ARL13B: variants seen among roughly 807,000 people sequenced by gnomAD.
The protein encoded by ARL13B is ARF like GTPase 13B.
In ARL13B, 36 loss-of-function variants were observed where a neutral mutation model predicts 56.1. The ratio of observed to expected loss-of-function variants is 0.64; its 90% CI spans 0.49 to 0.85. The LOEUF (loss-of-function observed/expected upper bound fraction) is 0.85, where lower values mean the gene tolerates loss of function less well. Ranked by LOEUF, ARL13B falls within the 40% of genes least tolerant of loss-of-function variation. The pLI is 0.00. For synonymous variants in ARL13B, 178 were observed against 171.1 expected (o/e 1.04, Z -0.32); for missense variants, 519 against 507.1 (o/e 1.02, Z -0.23).
At chr3:94,035,977 G>A (rs902781981) in intron 4 of ARL13B, among the ~76,000 whole-genome samples, 3 of 152,064 alleles carry the variant, frequency 2.0e-5, no homozygotes, top group African/African-American at 4.8e-5. Context: ...GGGGGCTGAG[G>A]TGGGAAGACC....
At position 94,036,551 on chromosome 3, in the gene ARL13B, G is replaced by A. The variant is rs2076771064; in HGVS notation, c.487-1G>A. On this transcript the variant is annotated splice_acceptor_variant, in intron 4 of 9. Coordinates refer to ENST00000394222, the MANE Select transcript of ARL13B (RefSeq NM_001174150.2). LOFTEE classifies it high-confidence loss of function. ...TTTAGTCAAATAAATTTCTGTTTTAGGAACCATGTTCAGCAATCTCGGGGT... is the reference window on the plus strand; with the variant it reads ...TTTAGTCAAATAAATTTCTGTTTTAAGAACCATGTTCAGCAATCTCGGGGT... 12 of 1,613,572 alleles carry A rather than the reference G, an allele frequency of 7.4e-6. No homozygotes were observed. The highest frequency in any genetic ancestry group is 9.3e-6 in the Non-Finnish European group (11 of 1,179,926).
At chr3:93,992,232 G>A (rs931442791) in intron 1 of ARL13B, among the ~76,000 whole-genome samples, 4 of 152,062 alleles carry the variant, frequency 2.6e-5, no homozygotes, top group African/African-American at 9.7e-5. Context: ...AACGTGAGGT[G>A]CTCTATATAA....
rs11554412 is a variant in ARL13B, at chr3:94,050,868, C to T, written c.1186C>T (p.Pro396Ser). The T allele has an allele frequency of 6.2e-7, 1 of 1,612,920 alleles. No individual in the cohort carries two copies. Among genetic ancestry groups the T allele is most frequent in the Non-Finnish European group, 8.5e-7 (1 of 1,179,616 alleles). Residue 396 changes from proline to serine, a missense_variant, in exon 9 of 10, where the codon CCT becomes TCT. Coordinates refer to ENST00000394222, the MANE Select transcript of ARL13B (RefSeq NM_001174150.2). The part of the protein sequence containing the change: ...PKVTRLPKLE[P>S]LGETHHNDFY... ...AGTCACTAGACTTCCAAAACTTGAG[C>T]CTCTTGGTGAAACACATCATAATGG...
intron 7 of ARL13B, among the ~76,000 whole-genome samples, chr3:94,045,003 A>G (rs1384446272): frequency 6.6e-6 from 1 of 152,206 alleles, no homozygotes; most frequent in Non-Finnish European, 1.5e-5. Flanking sequence ...TGTCGAAAAG[A>G]AAAGGGGGAA....
chr3:94,007,086 C>G (rs1057232985), intron 3 of ARL13B, among the ~76,000 whole-genome samples: 1 of 152,168 alleles, frequency 6.6e-6, no homozygotes, highest in Non-Finnish European at 1.5e-5. Flanking sequence ...CGCGCCTTAT[C>G]TGAGCCTAAA....
intron 3 of ARL13B, among the ~76,000 whole-genome samples, chr3:94,034,715 C>T (rs2076737167): frequency 6.6e-6 from 1 of 151,886 alleles, no homozygotes; most frequent in South Asian, 2.1e-4. Context: ...TGGATGTGAC[C>T]TGTGGAAATT....
At chr3:93,996,583 G>T in intron 2 of ARL13B, 1 of 422,536 alleles carries the variant, frequency 2.4e-6, no homozygotes. Context: ...TCCCTATGTT[G>T]CCCAAGCTGG....
chr3:94,039,652 G>A (rs1323565011), intron 5 of ARL13B, among the ~76,000 whole-genome samples: 2 of 152,122 alleles, frequency 1.3e-5, no homozygotes, highest in Admixed American at 1.3e-4. Context: ...GTCACTCATA[G>A]GAAATGTCAT....
At chr3:93,984,956 G>T (rs781046678) in intron 1 of ARL13B, among the ~76,000 whole-genome samples, 1 of 152,272 alleles carries the variant, frequency 6.6e-6, no homozygotes, top group Non-Finnish European at 1.5e-5. Context: ...GCTGCAGTAA[G>T]CCCAGGTTGC....
intron 3 of ARL13B, among the ~76,000 whole-genome samples, chr3:94,016,356 T>C (rs1052458754): frequency 6.6e-6 from 1 of 152,162 alleles, no homozygotes; most frequent in Non-Finnish European, 1.5e-5. Context: ...TTGATATGTT[T>C]ATGGAAATAT....
intron 6 of ARL13B, among the ~76,000 whole-genome samples, chr3:94,042,724 G>C (rs970524944): frequency 3.9e-5 from 6 of 152,056 alleles, no homozygotes; most frequent in African/African-American, 1.4e-4. Context: ...TCATCTCTTA[G>C]TGATTATATA....
intron 3 of ARL13B, among the ~76,000 whole-genome samples, chr3:94,029,356 T>A (rs1261180014): frequency 2.6e-4 from 35 of 135,322 alleles, no homozygotes; most frequent in East Asian, 1.5e-3. Flanking sequence ...TTTATTTTTT[T>A]TTTTTTTTGA....
At chr3:94,007,247 C>T (rs2076150805) in intron 3 of ARL13B, among the ~76,000 whole-genome samples, 1 of 152,174 alleles carries the variant, frequency 6.6e-6, no homozygotes, top group African/African-American at 2.4e-5. Flanking sequence ...AGAAACTTTT[C>T]TATAATCACA....
chr3:94,025,538 G>C (rs552803176), intron 3 of ARL13B, among the ~76,000 whole-genome samples: 113 of 152,234 alleles, frequency 7.4e-4, no homozygotes, highest in African/African-American at 2.7e-3. Context: ...CTGTGGCCAC[G>C]GACTGGTGAC....
intron 7 of ARL13B, 45 bp from the exon 8 acceptor site, chr3:94,049,361 C>T (rs544094192): frequency 1.2e-5 from 14 of 1,162,678 alleles, no homozygotes; most frequent in African/African-American, 7.7e-5. Context: ...TATAAAAGTG[C>T]ACTTTTTCAT....
chr3:93,983,467 G>T (rs1710309871), intron 1 of ARL13B, among the ~76,000 whole-genome samples: 1 of 152,062 alleles, frequency 6.6e-6, no homozygotes, highest in East Asian at 1.9e-4. Flanking sequence ...TTGTTCCTAA[G>T]TTTATCTTTT....
intron 3 of ARL13B, among the ~76,000 whole-genome samples, chr3:94,034,031 G>A (rs2076723190): frequency 1.3e-5 from 2 of 152,054 alleles, no homozygotes; most frequent in Admixed American, 1.3e-4. Flanking sequence ...AACGTATATT[G>A]GACCTGAATT....
In ARL13B at chr3:94,049,493, G is replaced by C. The variant is rs1345688394; in HGVS notation, c.1112G>C (p.Ser371Thr). ...PLNIDDCAPE[S>T]PTPPPPPPPV... is the part of the protein sequence containing the mutation. ...AATATAGATGACTGTGCTCCTGAGAGTCCAACGCCACCCCCACCCCCTCCT... is the reference window on the plus strand; with the variant it reads ...AATATAGATGACTGTGCTCCTGAGACTCCAACGCCACCCCCACCCCCTCCT... Residue 371 changes from serine to threonine, a missense_variant, in exon 8 of 10, where the codon AGT (serine) becomes ACT (threonine). By Grantham distance (58) the Ser-to-Thr change is moderately conservative. Coordinates refer to ENST00000394222, the MANE Select transcript of ARL13B (RefSeq NM_001174150.2). The C allele has an allele frequency of 1.2e-6, 2 of 1,611,046 alleles. No homozygotes were observed. The highest frequency in any genetic ancestry group is 2.2e-5 in the South Asian group (2 of 90,516).
chr3:94,041,039 A>G (rs1317351576), intron 6 of ARL13B, among the ~76,000 whole-genome samples: 1 of 152,120 alleles, frequency 6.6e-6, no homozygotes, highest in Non-Finnish European at 1.5e-5. Flanking sequence ...CTACAATTTC[A>G]AGAAGATGGC....
Sources: allele counts gnomAD v4.1 joint callset (sites outside exome capture counted in the v4.1 genomes callset), GRCh38; gene constraint gnomAD v4.1.1; transcripts MANE v1.5; gene names NCBI Gene and HGNC (gene_info 2026-07-23, HGNC 2026-07-21).